CNGA1: variants seen among roughly 807,000 people sequenced by gnomAD.
The protein encoded by CNGA1 is cyclic nucleotide gated channel subunit alpha 1.
In CNGA1, 53 loss-of-function variants were observed where a neutral mutation model predicts 69.7. The observed-to-expected ratio is 0.76, with a 90% CI of 0.61 to 0.96. The LOEUF (loss-of-function observed/expected upper bound fraction) is 0.96. CNGA1 is among the 40% of genes least tolerant of loss of function. CNGA1 has a pLI of 0.00. For synonymous variants in CNGA1, 249 were observed against 283.5 expected (o/e 0.88, Z 1.22); for missense variants, 739 against 811.2 (o/e 0.91, Z 1.08).
At chr4:47,999,186 T>G (rs1247525451) in intron 2 of CNGA1, among the ~76,000 whole-genome samples, 1 of 152,252 alleles carries the variant, frequency 6.6e-6, no homozygotes, top group East Asian at 1.9e-4. Context: ...AATTTTATTA[T>G]CAGGTGTTAA....
At chr4:47,940,236 G>A (rs2110136124) in intron 10 of CNGA1, among the ~76,000 whole-genome samples, 1 of 152,278 alleles carries the variant, frequency 6.6e-6, no homozygotes, top group East Asian at 1.9e-4. Flanking sequence ...TGTGTATAAT[G>A]GTTACATTTG....
chr4:47,944,075 T>C (rs1425200169), intron 6 of CNGA1, among the ~76,000 whole-genome samples: 2 of 152,194 alleles, frequency 1.3e-5, no homozygotes, highest in African/African-American at 4.8e-5. Context: ...CATTGTCAGC[T>C]CAGAAGTCTT....
At chr4:47,958,339 A>G (rs945175073) in intron 3 of CNGA1, among the ~76,000 whole-genome samples, 1 of 150,096 alleles carries the variant, frequency 6.7e-6, no homozygotes, top group African/African-American at 2.4e-5. Flanking sequence ...AAAGACATCA[A>G]TGAGGCCAGG....
Position 47,936,742 on chromosome 4 carries a change from A to C in CNGA1, c.1740T>G (p.Ala580=). ...TTTTGGCATCTGGGTACTCAGTTAG[A>C]GCTTCCATGAGGTCATCTTTTGAGA... The part of the protein sequence containing the change: ...FCLSKDDLME[A]LTEYPDAKTM... The change falls in exon 11 of 11, where the codon GCT becomes GCG. Residue 580 remains alanine (A), a synonymous_variant. Transcript: ENST00000514170. 1 of 1,614,110 alleles carries C rather than the reference A, an allele frequency of 6.2e-7. No individual in the cohort carries two copies. The highest frequency in any genetic ancestry group is 8.5e-7 in the Non-Finnish European group (1 of 1,180,030).
chr4:47,950,961 A>G (rs1578076315), intron 5 of CNGA1, among the ~76,000 whole-genome samples: 1 of 152,190 alleles, frequency 6.6e-6, no homozygotes, highest in African/African-American at 2.4e-5. Context: ...AGAAATCAGA[A>G]AGGACTGGGT....
chr4:47,944,863 G>A (rs1484032086), intron 6 of CNGA1, among the ~76,000 whole-genome samples: 1 of 152,102 alleles, frequency 6.6e-6, no homozygotes. Flanking sequence ...AAGTAAGGTT[G>A]GTCCAGTAAT....
intron 3 of CNGA1, among the ~76,000 whole-genome samples, chr4:47,980,543 C>T (rs1267891331): frequency 1.4e-5 from 2 of 143,602 alleles, no homozygotes; most frequent in African/African-American, 2.6e-5. Flanking sequence ...GGTGTGATCT[C>T]GGCTCACTGC....
intron 3 of CNGA1, among the ~76,000 whole-genome samples, chr4:47,968,077 C>G (rs1740820852): frequency 6.6e-6 from 1 of 152,098 alleles, no homozygotes; most frequent in Admixed American, 6.6e-5. Flanking sequence ...GGATAAGGAA[C>G]AAATCCAAAG....
intron 2 of CNGA1, among the ~76,000 whole-genome samples, chr4:47,996,282 T>G (rs1335837092): frequency 3.9e-5 from 6 of 152,310 alleles, no homozygotes. Context: ...CCTCAGAGAC[T>G]TGCAACTGAT....
rs184893048 is a variant in CNGA1, at chr4:47,939,735, A to T, written c.652+1028T>A. ...GGTGTGTAGAGGAAACGCCATATAC[A>T]TATTGGTCACCAGAATTGTGTTGTA... On this transcript the variant is annotated intron_variant, in intron 10 of 10. Transcript: ENST00000514170. Among the ~76,000 whole-genome samples the T allele has an allele frequency of 2.6e-5, 4 of 152,280 alleles. No homozygotes were observed. In the East Asian group the frequency reaches 7.7e-4, roughly 29 times the overall value.
In CNGA1 at chr4:47,951,435, A is replaced by C; in HGVS notation, c.142T>G (p.Ser48Ala). 1 of 1,613,596 alleles carries C rather than the reference A, an allele frequency of 6.2e-7. No individual in the cohort carries two copies. The highest frequency in any genetic ancestry group is 1.1e-5 in the South Asian group (1 of 91,070). The change falls in exon 5 of 11, where the codon TCT becomes GCT. Residue 48 changes from serine to alanine, a missense_variant. Coordinates refer to ENST00000514170, the MANE Select transcript of CNGA1 (RefSeq NM_001379270.1). Reference protein sequence around the residue: ...FSEDDDSASTSEESENENPHA... With the variant: ...FSEDDDSASTAEESENENPHA... ...GGGTTTTCATTCTCTGATTCTTCAG[A>C]TGTAGAGGCACTGTCATCATCCTCA... is the stretch of plus-strand genomic sequence containing the variant.
At position 47,937,989 on chromosome 4, in the gene CNGA1, A is replaced by T. The variant is rs931651010; in HGVS notation, c.653-160T>A. Among the ~76,000 whole-genome samples the T allele has an allele frequency of 2.6e-5, 4 of 152,108 alleles. No homozygotes were observed. In the South Asian group the frequency reaches 8.3e-4, roughly 31 times the overall value. On this transcript the variant is annotated intron_variant, in intron 10 of 10. Transcript: ENST00000514170. ...ATAAAATACAAATACTAATAAACCTATGGCTGTAGAAAATATTCTGCTGTA... is the reference window on the plus strand; with the variant it reads ...ATAAAATACAAATACTAATAAACCTTTGGCTGTAGAAAATATTCTGCTGTA...
At chr4:47,977,828 A>ATTTTTT (rs11415776) in intron 3 of CNGA1, among the ~76,000 whole-genome samples, 2 of 148,526 alleles carry the variant, frequency 1.3e-5, no homozygotes, top group Non-Finnish European at 3.0e-5. Flanking sequence ...CATTTAAGTG[A>ATTTTTT]TTTTTTTTTT....
intron 2 of CNGA1, among the ~76,000 whole-genome samples, chr4:47,987,976 G>A (rs566720933): frequency 3.9e-4 from 59 of 152,178 alleles, no homozygotes; most frequent in Non-Finnish European, 5.1e-4. Flanking sequence ...AAGAGTTAAG[G>A]TCTTAGAAGA....
At chr4:47,942,013 A>AC in intron 9 of CNGA1, 28 bp downstream of exon 9, 2 of 19,336 alleles carry the variant, frequency 1.0e-4, no homozygotes, top group Admixed American at 1.7e-3. Flanking sequence ...TGAGATCCAC[A>AC]AAAAAAAAAA....
intron 9 of CNGA1, 85 bp downstream of exon 9, chr4:47,941,956 T>A: frequency 1.2e-6 from 1 of 804,872 alleles, no homozygotes. Flanking sequence ...CCTAAAGGGC[T>A]CTAAGTCAAA....
At chr4:47,956,491 G>C (rs1222295287) in intron 3 of CNGA1, among the ~76,000 whole-genome samples, 2 of 152,202 alleles carry the variant, frequency 1.3e-5, no homozygotes, top group Non-Finnish European at 2.9e-5. Context: ...CTGGCATATT[G>C]TTCTGGGGTT....
chr4:47,969,478 T>C (rs1428024587), intron 3 of CNGA1, among the ~76,000 whole-genome samples: 3 of 152,204 alleles, frequency 2.0e-5, no homozygotes, highest in African/African-American at 7.2e-5. Flanking sequence ...TTTCGTTTTT[T>C]TGTTTTTTTT....
rs1179350544 is a variant in CNGA1 at position 47,941,925 on chromosome 4, C to A, written c.545+116G>T. 7.4e-6 allele frequency: 5 copies of A among 675,732 alleles called. No individual in the cohort carries two copies. In the Admixed American group the frequency reaches 1.0e-4, roughly 14 times the overall value. The allele number at this position is 675,732 out of a possible 1,614,324, so 41.9% of individuals were successfully genotyped here. A position where few individuals can be genotyped will look rare whatever the true frequency, so the allele number is the denominator to read the frequency against. The stretch of plus-strand genomic sequence containing the variant: ...TAATCTAGCCTCTCTTTACCACCTG[C>A]AGTAGAGAAAGGAGGTGTGTCCTAA... On this transcript the variant is annotated intron_variant, in intron 9 of 10. Transcript: ENST00000514170.
Sources: gnomAD v4.1 joint callset for allele counts (sites outside exome capture counted in the v4.1 genomes callset) on GRCh38, gnomAD v4.1.1 for gene constraint, MANE v1.5 for transcripts, NCBI Gene and HGNC (gene_info 2026-07-23, HGNC 2026-07-21) for gene names.